The following LAMA1 variants were observed in gnomAD, a reference collection of about 807,000 sequenced individuals.
LAMA1 encodes the protein laminin subunit alpha-1.
In LAMA1, 219 loss-of-function variants were observed where a neutral mutation model predicts 348.7. The ratio of observed to expected loss-of-function variants is 0.63; its 90% CI spans 0.56 to 0.70. LAMA1 has a LOEUF of 0.70. LAMA1 is among the 30% of genes least tolerant of loss of function. The pLI is 0.00. For missense variants in LAMA1, 3,744 were observed against 3,888.0 expected (o/e 0.96, Z 0.99); for synonymous variants, 1,487 against 1,491.0 (o/e 1.00, Z 0.06).
intron 48 of LAMA1, among the ~76,000 whole-genome samples, 158 bp from the exon 49 acceptor site, chr18:6,966,455 C>T (rs999524574): frequency 6.6e-6 from 1 of 151,968 alleles, no homozygotes; most frequent in Non-Finnish European, 1.5e-5. Context: ...ATATGCTTGC[C>T]ATGTGAAGAT....
rs1325091294 is a variant in LAMA1, at chr18:6,978,224, G to A, written c.6162C>T (p.His2054=). The A allele has an allele frequency of 1.2e-6, 2 of 1,614,232 alleles. No individual in the cohort carries two copies. Reference sequence around the variant, plus strand: ...CCATGGTGGAGTCCTGCAGAAGCTGGTGTGTCTCTCGTAATGTGGTGTTGA... The same window carrying A: ...CCATGGTGGAGTCCTGCAGAAGCTGATGTGTCTCTCGTAATGTGGTGTTGA... ...SRVNTTLRET[H]QLLQDSTMAT... The change falls in exon 43 of 63, where the codon CAC becomes CAT. Residue 2054 remains histidine, a synonymous_variant. Transcript: ENST00000389658.
chr18:6,975,889 G>C (rs1221522977), intron 45 of LAMA1, 48 bp downstream of exon 45: 1 of 1,611,246 alleles, frequency 6.2e-7, no homozygotes, highest in East Asian at 2.2e-5. Context: ...GAAAAATCTA[G>C]AAGTGCATAA....
At chr18:6,962,532 T>G (rs1423676936) in intron 51 of LAMA1, among the ~76,000 whole-genome samples, 1 of 152,130 alleles carries the variant, frequency 6.6e-6, no homozygotes, top group African/African-American at 2.4e-5. Flanking sequence ...AGTGAGAACT[T>G]CAGGTCAAAC....
At chr18:7,007,690 C>G (rs1405080553) in intron 28 of LAMA1, among the ~76,000 whole-genome samples, 1 of 152,178 alleles carries the variant, frequency 6.6e-6, no homozygotes, top group Non-Finnish European at 1.5e-5. Flanking sequence ...CCCCTATGTT[C>G]ATAGCGGCAT....
chr18:7,022,350 T>C (rs1337856941), intron 19 of LAMA1, among the ~76,000 whole-genome samples: 1 of 152,218 alleles, frequency 6.6e-6, no homozygotes, highest in African/African-American at 2.4e-5. Flanking sequence ...GCTGTTATCA[T>C]AATTATCCTG....
intron 37 of LAMA1, 27 bp downstream of exon 37, chr18:6,986,110 G>A: frequency 6.2e-7 from 1 of 1,611,700 alleles, no homozygotes; most frequent in Non-Finnish European, 8.5e-7. Flanking sequence ...TGTTCTAATT[G>A]AGAAGGAGAG....
intron 3 of LAMA1, among the ~76,000 whole-genome samples, chr18:7,058,386 A>T (rs142366063): frequency 6.6e-6 from 1 of 152,310 alleles, no homozygotes; most frequent in African/African-American, 2.4e-5. Context: ...GGTAAGTCTG[A>T]TAAACAGGCA....
At chr18:7,113,686 C>T (rs889742226) in intron 1 of LAMA1, among the ~76,000 whole-genome samples, 1 of 152,158 alleles carries the variant, frequency 6.6e-6, no homozygotes, top group African/African-American at 2.4e-5. Flanking sequence ...GGTGAGGCTG[C>T]TGGCCTGCTG....
At chr18:7,091,888 A>G (rs777072819) in intron 1 of LAMA1, among the ~76,000 whole-genome samples, 1 of 152,200 alleles carries the variant, frequency 6.6e-6, no homozygotes, top group South Asian at 2.1e-4. Flanking sequence ...TGTCAAATGC[A>G]TCACCATCTC....
At chr18:7,049,341 C>T in intron 4 of LAMA1, 84 bp from the exon 5 acceptor site, 2 of 1,315,744 alleles carry the variant, frequency 1.5e-6, no homozygotes, top group Non-Finnish European at 2.2e-6. Context: ...GCTCTTTGGT[C>T]CAGGCTGGAG....
chr18:6,947,086 T>C (rs2057524936), intron 61 of LAMA1, 77 bp downstream of exon 61: 2 of 1,580,714 alleles, frequency 1.3e-6, no homozygotes, highest in South Asian at 2.2e-5. Context: ...TAGTTGTGAA[T>C]TTGAATCTGC....
Position 7,032,337 on chromosome 18 carries a change from T to C in LAMA1, c.2164-161A>G, listed in dbSNP as rs147846821. Among the ~76,000 whole-genome samples the C allele has an allele frequency of 9.3e-4, 141 of 152,346 alleles. 1 individual carries two copies. In the East Asian group the frequency reaches 0.023, roughly 25 times the overall value. The stretch of plus-strand genomic sequence containing the variant: ...TTTAAGTGTACAATTCAATGACTTT[T>C]AGTAAAAACCTTACCGAGCTGTGCA... On this transcript the variant is annotated intron_variant, in intron 15 of 62. Coordinates refer to ENST00000389658, the MANE Select transcript of LAMA1 (RefSeq NM_005559.4).
rs199612213 is a variant in LAMA1 at position 7,016,606 on chromosome 18, G to A, written c.2874C>T (p.Ser958=). The stretch of plus-strand genomic sequence containing the variant: ...CTTCATCCGTGCAGCCATCTGACAC[G>A]GAGCCTGCCACGCTGCAGTTGCAGG... ...CRPCNCSVAG[S]VSDGCTDEGQ... Residue 958 remains serine, a synonymous_variant, in exon 21 of 63, where the codon TCC becomes TCT. Transcript: ENST00000389658. 2.1e-5 allele frequency: 34 copies of A among 1,614,132 alleles called. No homozygotes were observed. Among genetic ancestry groups the A allele is most frequent in the South Asian group, 3.3e-5 (3 of 91,086 alleles).
chr18:7,069,118 C>G (rs1460579057), intron 3 of LAMA1, among the ~76,000 whole-genome samples: 4 of 152,186 alleles, frequency 2.6e-5, no homozygotes, highest in Admixed American at 1.3e-4. Context: ...AGCTCAAAAT[C>G]TAAAGAGAAC....
chr18:6,956,225 A>G (rs2057576687), intron 56 of LAMA1: 1 of 343,172 alleles, frequency 2.9e-6, no homozygotes, highest in African/African-American at 2.2e-5. Context: ...GCCATTCAAA[A>G]TATTTGGCCA....
chr18:7,088,206 C>T (rs908015217), intron 1 of LAMA1, among the ~76,000 whole-genome samples: 2 of 152,154 alleles, frequency 1.3e-5, no homozygotes, highest in Non-Finnish European at 2.9e-5. Context: ...TAGCACGATT[C>T]GCCCGTTCCC....
rs2057608146 is a variant in LAMA1, at chr18:6,961,644, A to G, written c.7568T>C (p.Ile2523Thr). The G allele has an allele frequency of 4.3e-6, 7 of 1,614,146 alleles. No individual in the cohort carries two copies. The highest frequency in any genetic ancestry group is 5.9e-6 in the Non-Finnish European group (7 of 1,180,020). The change falls in exon 53 of 63, where the codon ATC becomes ACC. Residue 2523 changes from isoleucine to threonine, a missense_variant. Coordinates refer to ENST00000389658, the MANE Select transcript of LAMA1 (RefSeq NM_005559.4). ...CACATCCCCGCCGAGGGCAGCCAGG[A>G]TGATGCCACTGCTGTTCGTGGTGGC... ...TFATTNSSGIILAALGGDVEK... is the reference protein window; with the variant it reads ...TFATTNSSGITLAALGGDVEK...
At position 7,023,248 on chromosome 18, in the gene LAMA1, A is replaced by T; in HGVS notation, c.2617T>A (p.Cys873Ser). The change falls in exon 19 of 63, where the codon TGC becomes AGC. Residue 873 changes from cysteine to serine, a missense_variant. By Grantham distance (112) the Cys-to-Ser change is moderately radical. Coordinates refer to ENST00000389658, the MANE Select transcript of LAMA1 (RefSeq NM_005559.4). ...TGGGCGCCATCTGTGTTCCCCAGGC[A>T]CTTCAGGCACTCCCCGGTGACTGAG... ...CDSVTGECLK[C>S]LGNTDGAHCE... 6.2e-7 allele frequency: 1 copy of T among 1,613,934 alleles called. No homozygotes were observed. The highest frequency in any genetic ancestry group is 8.5e-7 in the Non-Finnish European group (1 of 1,180,010).
chr18:7,069,415 G>GA (rs550392786), intron 3 of LAMA1, among the ~76,000 whole-genome samples: 59 of 152,312 alleles, frequency 3.9e-4, no homozygotes, highest in African/African-American at 1.3e-3. Flanking sequence ...GCCTCCTAGA[G>GA]AAAGACCCTT....
Sources: gnomAD v4.1 joint callset for allele counts (sites outside exome capture counted in the v4.1 genomes callset) on GRCh38, gnomAD v4.1.1 for gene constraint, MANE v1.5 for transcripts, NCBI Gene and HGNC (gene_info 2026-07-23, HGNC 2026-07-21) for gene names.